PCSK2: variants seen among roughly 807,000 people sequenced by gnomAD.
The protein encoded by PCSK2 is proprotein convertase subtilisin/kexin type 2, also known as neuroendocrine convertase 2.
PCSK2 carries 14 observed loss-of-function variants against 69.7 expected under a neutral mutation model. That is an observed-to-expected ratio of 0.20 (90% confidence interval 0.13 to 0.31). The LOEUF (loss-of-function observed/expected upper bound fraction) is 0.31. Ranked by LOEUF, PCSK2 falls within the 10% of genes least tolerant of loss-of-function variation. The probability of loss-of-function intolerance (pLI) is 1.00; values close to 1 mark genes in which losing one functional copy is unlikely to be tolerated. For synonymous variants in PCSK2, 307 were observed against 320.7 expected (o/e 0.96, Z 0.46); for missense variants, 544 against 842.5 (o/e 0.65, Z 4.39).
intron 5 of PCSK2, among the ~76,000 whole-genome samples, chr20:17,386,597 G>A (rs1600539099): frequency 6.6e-6 from 1 of 152,168 alleles, no homozygotes; most frequent in Non-Finnish European, 1.5e-5. Context: ...CAAACTCATA[G>A]AGACAAAAGG....
intron 5 of PCSK2, among the ~76,000 whole-genome samples, chr20:17,377,631 CT>C (rs1175303848): frequency 8.5e-5 from 13 of 152,136 alleles, no homozygotes; most frequent in African/African-American, 3.1e-4. Flanking sequence ...ACCTTTGTTT[CT>C]TATTGAAAGG....
chr20:17,361,602 T>A (rs1253531866), intron 4 of PCSK2, among the ~76,000 whole-genome samples: 1 of 152,194 alleles, frequency 6.6e-6, no homozygotes, highest in Non-Finnish European at 1.5e-5. Context: ...CCGAAGATCC[T>A]CAAAGAACAG....
intron 2 of PCSK2, among the ~76,000 whole-genome samples, chr20:17,321,037 C>T (rs1368552995): frequency 1.3e-5 from 2 of 152,200 alleles, no homozygotes; most frequent in Non-Finnish European, 2.9e-5. Context: ...CTTCTGTTGA[C>T]TGGTTGGGTT....
At chr20:17,312,082 C>A in intron 2 of PCSK2, among the ~76,000 whole-genome samples, 1 of 152,168 alleles carries the variant, frequency 6.6e-6, no homozygotes, top group East Asian at 1.9e-4. Flanking sequence ...ACTGCAAACA[C>A]GTCATTTCAT....
At chr20:17,304,015 G>A (rs1184213666) in intron 2 of PCSK2, among the ~76,000 whole-genome samples, 1 of 150,172 alleles carries the variant, frequency 6.7e-6, no homozygotes, top group African/African-American at 2.4e-5. Context: ...GCTATATATG[G>A]TTCTGGAATG....
intron 2 of PCSK2, among the ~76,000 whole-genome samples, chr20:17,342,740 C>G (rs1354849145): frequency 6.6e-6 from 1 of 151,848 alleles, no homozygotes; most frequent in Non-Finnish European, 1.5e-5. Context: ...CTCTAGTGAT[C>G]CCCACCTCAG....
chr20:17,373,740 A>C (rs1486630959), intron 5 of PCSK2, among the ~76,000 whole-genome samples: 1 of 152,242 alleles, frequency 6.6e-6, no homozygotes, highest in Non-Finnish European at 1.5e-5. Context: ...TAAGAGAGGA[A>C]ACAGCATATG....
intron 5 of PCSK2, among the ~76,000 whole-genome samples, chr20:17,394,831 T>C (rs2031473884): frequency 6.6e-6 from 1 of 152,238 alleles, no homozygotes; most frequent in South Asian, 2.1e-4. Context: ...AGTTTATGAA[T>C]TATGAAGTTG....
At chr20:17,369,582 T>C (rs1478222014) in intron 5 of PCSK2, among the ~76,000 whole-genome samples, 1 of 152,122 alleles carries the variant, frequency 6.6e-6, no homozygotes, top group Admixed American at 6.5e-5. Flanking sequence ...GTCCATCCCA[T>C]TGGAGCCACA....
chr20:17,450,261 C>T (rs2032797784), intron 8 of PCSK2, among the ~76,000 whole-genome samples: 5 of 151,906 alleles, frequency 3.3e-5, no homozygotes, highest in Admixed American at 3.3e-4. Flanking sequence ...ATCTCCTGAC[C>T]TCGTGATCCG....
intron 1 of PCSK2, among the ~76,000 whole-genome samples, chr20:17,251,906 C>T (rs1986996686): frequency 6.6e-6 from 1 of 152,100 alleles, no homozygotes; most frequent in Non-Finnish European, 1.5e-5. Context: ...GCATTTAACA[C>T]CATAAATGGG....
intron 5 of PCSK2, among the ~76,000 whole-genome samples, chr20:17,379,422 C>T (rs1219283217): frequency 6.6e-6 from 1 of 152,204 alleles, no homozygotes; most frequent in Non-Finnish European, 1.5e-5. Flanking sequence ...AGAAACAATG[C>T]CCAGGCCTCA....
intron 5 of PCSK2, among the ~76,000 whole-genome samples, chr20:17,387,345 G>A (rs8119204): frequency 0.084 from 12,818 of 152,134 alleles, 681 homozygotes; most frequent in Non-Finnish European, 0.12. Context: ...GTTTCACACC[G>A]TTTTTATGAG....
At chr20:17,272,855 G>A (rs904958469) in intron 2 of PCSK2, among the ~76,000 whole-genome samples, 6 of 152,006 alleles carry the variant, frequency 3.9e-5, no homozygotes, top group Admixed American at 3.3e-4. Context: ...CTCTGAATCT[G>A]GTTGATTTGT....
At chr20:17,231,236 A>T (rs902753574) in intron 1 of PCSK2, among the ~76,000 whole-genome samples, 3 of 152,250 alleles carry the variant, frequency 2.0e-5, no homozygotes, top group Admixed American at 6.5e-5. Flanking sequence ...GACCATTTTT[A>T]TAATGTGTGA....
chr20:17,306,055 T>A (rs6136058), intron 2 of PCSK2, among the ~76,000 whole-genome samples: 14,187 of 152,286 alleles, frequency 0.093, 801 homozygotes, highest in African/African-American at 0.15. Flanking sequence ...TACTAAACAC[T>A]GTATTTATTA....
At chr20:17,411,899 G>A (rs150165014) in intron 6 of PCSK2, among the ~76,000 whole-genome samples, 5,891 of 152,268 alleles carry the variant, frequency 0.039, 393 homozygotes, top group African/African-American at 0.13. Flanking sequence ...AGGCAAACAG[G>A]GTCTGGAGTG....
chr20:17,231,387 C>T (rs962265286), intron 1 of PCSK2, among the ~76,000 whole-genome samples: 2 of 152,176 alleles, frequency 1.3e-5, no homozygotes, highest in Non-Finnish European at 2.9e-5. Context: ...AAACTGAGCA[C>T]ACATGTGTAA....
At chr20:17,291,565 G>A (rs1260359165) in intron 2 of PCSK2, among the ~76,000 whole-genome samples, 1 of 152,186 alleles carries the variant, frequency 6.6e-6, no homozygotes, top group Non-Finnish European at 1.5e-5. Flanking sequence ...CCCAGAAATA[G>A]AATGGTTACA....
Sources: gnomAD v4.1 joint callset for allele counts (sites outside exome capture counted in the v4.1 genomes callset) on GRCh38, gnomAD v4.1.1 for gene constraint, MANE v1.5 for transcripts, NCBI Gene and HGNC (gene_info 2026-07-23, HGNC 2026-07-21) for gene names.